RIC8A: variants seen among roughly 807,000 people sequenced by gnomAD.
RIC8A encodes the protein chaperone Ric-8A.
In RIC8A, 37 loss-of-function variants were observed where a neutral mutation model predicts 48.4. That is an observed-to-expected ratio of 0.77 (90% confidence interval 0.59 to 1.01). The LOEUF (loss-of-function observed/expected upper bound fraction) is 1.01. RIC8A is among the 50% of genes least tolerant of loss of function. The pLI is 0.00. For synonymous variants in RIC8A, 288 were observed against 283.4 expected (o/e 1.02, Z -0.16); for missense variants, 681 against 696.8 (o/e 0.98, Z 0.25).
At position 214,612 on chromosome 11, in the gene RIC8A, G is replaced by A. The variant is rs1590081773; in HGVS notation, c.*262G>A. 11 of 532,118 alleles carry A rather than the reference G, an allele frequency of 2.1e-5. No individual in the cohort carries two copies. Among genetic ancestry groups the A allele is most frequent in the Admixed American group, 1.1e-4 (4 of 36,518 alleles). 33.0% of individuals were successfully genotyped at this position (532,118 alleles called of 1,614,324 possible). ...AGACGAAGTACTTTCTTTTGTCTGC[G>A]CCAAGAGGAATGTGTTCAGAAGCTG... On this transcript the variant is annotated 3_prime_UTR_variant, in exon 10 of 10. Coordinates refer to ENST00000526104, the MANE Select transcript of RIC8A (RefSeq NM_001286134.2).
Position 209,538 on chromosome 11 carries a change from C to T in RIC8A, c.264C>T (p.Ser88=). The change falls in exon 3 of 10, where the codon AGC becomes AGT. Residue 88 remains serine (S), a synonymous_variant. Transcript: ENST00000526104. ...NCLDPFTSRQ[S]LQALACYADI... is the part of the protein sequence containing the mutation. ...TGGACCCGTTCACCAGCCGCCAGAG[C>T]CTGCAGGCACTAGCCTGCTATGCTG... 1.2e-6 allele frequency: 2 copies of T among 1,614,100 alleles called. No homozygotes were observed. The highest frequency in any genetic ancestry group is 1.7e-6 in the Non-Finnish European group (2 of 1,180,030).
In RIC8A at chr11:208,754, C is replaced by T; in HGVS notation, c.-101C>T. On this transcript the variant is annotated 5_prime_UTR_variant, in exon 1 of 10. Coordinates refer to ENST00000526104, the MANE Select transcript of RIC8A (RefSeq NM_001286134.2). This position sits in a 1 kb window ranked among gnomAD's most constrained non-coding sequence, Gnocchi z 4.8. ...CAGACGCCGCGCCCCGTCCCGGCCTCCCCCGCGCGCTGGCGCGGGGCTTTC... is the reference window on the plus strand; with the variant it reads ...CAGACGCCGCGCCCCGTCCCGGCCTTCCCCGCGCGCTGGCGCGGGGCTTTC... 1.2e-6 allele frequency: 1 copy of T among 866,994 alleles called. No homozygotes were observed. Among genetic ancestry groups the T allele is most frequent in the South Asian group, 2.0e-5 (1 of 51,148 alleles). The allele number at this position is 866,994 out of a possible 1,614,324, so 53.7% of individuals were successfully genotyped here.
chr11:208,430 C>A lies in RIC8A; in HGVS notation c.-425C>A. Reference sequence around the variant, plus strand: ...CCTGCATTCCCCAGCAAACGCCTAACGAACCCAATGGCCCAGGACTGAAAA... The same window carrying A: ...CCTGCATTCCCCAGCAAACGCCTAAAGAACCCAATGGCCCAGGACTGAAAA... On this transcript the variant is annotated 5_prime_UTR_variant, in exon 1 of 10. Coordinates refer to ENST00000526104, the MANE Select transcript of RIC8A (RefSeq NM_001286134.2). The surrounding 1 kb of genome is among the most constrained non-coding windows in gnomAD (Gnocchi z 4.8). The A allele has an allele frequency of 6.3e-6, 1 of 159,786 alleles. No homozygotes were observed. The allele number at this position is 159,786 out of a possible 1,614,324, so 9.9% of individuals were successfully genotyped here. A position where few individuals can be genotyped will look rare whatever the true frequency, so the allele number is the denominator to read the frequency against.
rs796903177 is a variant in RIC8A at position 211,725 on chromosome 11, CTTCT to C, written c.969+377_969+380del. Reference sequence around the variant, plus strand: ...CATAGGAACCTCAGATCAAAGCTTCCTTCTGATTGCTGTGACTGCACTACAGGGC... The same window carrying C: ...CATAGGAACCTCAGATCAAAGCTTCCGATTGCTGTGACTGCACTACAGGGC... On this transcript the variant is annotated intron_variant, in intron 5 of 9. Coordinates refer to ENST00000526104, the MANE Select transcript of RIC8A (RefSeq NM_001286134.2). The surrounding 1 kb of genome is among the most constrained non-coding windows in gnomAD (Gnocchi z 4.0). 3.1e-4 allele frequency: 53 copies of C among 171,840 alleles called. No homozygotes were observed. The highest frequency in any genetic ancestry group is 1.1e-3 in the African/African-American group (46 of 42,130). The allele number at this position is 171,840 out of a possible 1,614,324, so 10.6% of individuals were successfully genotyped here. A position where few individuals can be genotyped will look rare whatever the true frequency, so the allele number is the denominator to read the frequency against.
chr11:209,256 T>C lies in RIC8A; in HGVS notation c.85-15T>C, dbSNP rs766363937. 19 of 1,614,102 alleles carry C rather than the reference T, an allele frequency of 1.2e-5. No individual in the cohort carries two copies. The highest frequency in any genetic ancestry group is 6.6e-5 in the South Asian group (6 of 91,086). On this transcript the variant is annotated splice_polypyrimidine_tract_variant and intron_variant, in intron 1 of 9. Transcript: ENST00000526104. ...TACCCCTCTGTGGATTTGAATTCAC[T>C]AGTTCTCTCTGCAGCACTCCCAGAG...
At chr11:213,125 C>T in intron 8 of RIC8A, 144 bp downstream of exon 8, 1 of 1,369,664 alleles carries the variant, frequency 7.3e-7, no homozygotes, top group Admixed American at 2.6e-5. Flanking sequence ...TAAGTGCTAT[C>T]TGGGATACCA....
In RIC8A at chr11:209,626, C is replaced by T. The variant is rs762028046; in HGVS notation, c.352C>T (p.Leu118Phe). 1.2e-6 allele frequency: 2 copies of T among 1,614,050 alleles called. No individual in the cohort carries two copies. Among genetic ancestry groups the T allele is most frequent in the Non-Finnish European group, 1.7e-6 (2 of 1,180,028 alleles). The change falls in exon 3 of 10, where the codon CTC becomes TTC. Residue 118 changes from leucine (L) to phenylalanine (F), a missense_variant. Physicochemically the swap from Leu to Phe is conservative, Grantham distance 22 (BLOSUM62 0). Transcript: ENST00000526104. ...AGACATGGATGTTGTACTGGAGTCC[C>T]TCAAGTGCCTGTGCAACCTCGTGCT... ...SADMDVVLES[L>F]KCLCNLVLSS... is the part of the protein sequence containing the mutation.
intron 1 of RIC8A, 73 bp from the exon 2 acceptor site, chr11:209,198 C>T: frequency 6.3e-7 from 1 of 1,582,334 alleles, no homozygotes; most frequent in Admixed American, 1.7e-5. Flanking sequence ...AGTTAGAGGC[C>T]AATAGGCCGC....
At chr11:212,046 T>G in intron 5 of RIC8A, 1 of 274,446 alleles carries the variant, frequency 3.6e-6, no homozygotes, top group South Asian at 4.0e-5. Flanking sequence ...CGGTTCTCGT[T>G]TCTTTTTGCC....
rs1343307073 is a variant in RIC8A at position 214,428 on chromosome 11, C to T, written c.*78C>T. 2.6e-6 allele frequency: 4 copies of T among 1,523,200 alleles called. No individual in the cohort carries two copies. The highest frequency in any genetic ancestry group is 2.4e-5 in the South Asian group (2 of 83,558). The allele number at this position is 1,523,200 out of a possible 1,614,324, so 94.4% of individuals were successfully genotyped here. A position where few individuals can be genotyped will look rare whatever the true frequency, so the allele number is the denominator to read the frequency against. On this transcript the variant is annotated 3_prime_UTR_variant, in exon 10 of 10. Coordinates refer to ENST00000526104, the MANE Select transcript of RIC8A (RefSeq NM_001286134.2). ...TCCTTGGGGTTGCAACCTGGGGAAG[C>T]CACATCCCACTGGATCCACACCCGC...
Position 211,614 on chromosome 11 carries a change from A to C in RIC8A, c.969+265A>C. On this transcript the variant is annotated intron_variant, in intron 5 of 9. Transcript: ENST00000526104. The surrounding 1 kb of genome is among the most constrained non-coding windows in gnomAD (Gnocchi z 4.0). The stretch of plus-strand genomic sequence containing the variant: ...GGGATCTTTACTGAGTGGTCCAGAG[A>C]AGCCCCCCAGTCCCTACTTTTAAGT... The C allele has an allele frequency of 2.8e-6, 1 of 361,370 alleles. No individual in the cohort carries two copies. Among genetic ancestry groups the C allele is most frequent in the Non-Finnish European group, 5.0e-6 (1 of 198,448 alleles). 22.4% of individuals were successfully genotyped at this position (361,370 alleles called of 1,614,324 possible).
chr11:208,385 G>C lies in RIC8A; in HGVS notation c.-470G>C, dbSNP rs192279522. 123 of 155,490 alleles carry C rather than the reference G, an allele frequency of 7.9e-4. No individual in the cohort carries two copies. Among genetic ancestry groups the C allele is most frequent in the African/African-American group, 2.8e-3 (116 of 41,596 alleles). The allele number at this position is 155,490 out of a possible 1,614,324, so 9.6% of individuals were successfully genotyped here. A position where few individuals can be genotyped will look rare whatever the true frequency, so the allele number is the denominator to read the frequency against. ...TGGAACATAAGCTCCACAAAGGCAG[G>C]GACCTGGGAATCCCGTTCGCCTGCA... is the stretch of plus-strand genomic sequence containing the variant. On this transcript the variant is annotated 5_prime_UTR_variant, in exon 1 of 10. Transcript: ENST00000526104. The surrounding 1 kb of genome is among the most constrained non-coding windows in gnomAD (Gnocchi z 4.8).
At position 208,788 on chromosome 11, in the gene RIC8A, G is replaced by A; in HGVS notation, c.-67G>A. 2 of 1,385,354 alleles carry A rather than the reference G, an allele frequency of 1.4e-6. No homozygotes were observed. The highest frequency in any genetic ancestry group is 2.0e-6 in the Non-Finnish European group (2 of 1,004,944). The allele number at this position is 1,385,354 out of a possible 1,614,324, so 85.8% of individuals were successfully genotyped here. A position where few individuals can be genotyped will look rare whatever the true frequency, so the allele number is the denominator to read the frequency against. ...GCTGGCGCGGGGCTTTCTGGGCCAG[G>A]GCGGGGCCGGCGAACTGCGGCCCGG... On this transcript the variant is annotated 5_prime_UTR_variant, in exon 1 of 10. Coordinates refer to ENST00000526104, the MANE Select transcript of RIC8A (RefSeq NM_001286134.2). This position sits in a 1 kb window ranked among gnomAD's most constrained non-coding sequence, Gnocchi z 4.8.
chr11:211,093 G>T lies in RIC8A; in HGVS notation c.819-106G>T. The T allele has an allele frequency of 7.8e-7, 1 of 1,281,206 alleles. No homozygotes were observed. The highest frequency in any genetic ancestry group is 1.4e-5 in the South Asian group (1 of 70,004). The allele number at this position is 1,281,206 out of a possible 1,614,324, so 79.4% of individuals were successfully genotyped here. The stretch of plus-strand genomic sequence containing the variant: ...TTGGTCCCTAGCGCTGCCCCTTTGG[G>T]ACTCAGATGCCAGCTCATGTAATGT... On this transcript the variant is annotated intron_variant, in intron 4 of 9. Transcript: ENST00000526104. The surrounding 1 kb of genome is among the most constrained non-coding windows in gnomAD (Gnocchi z 4.0).
rs1241318045 is a variant in RIC8A at position 208,864 on chromosome 11, C to T, written c.10C>T (p.Arg4Trp). The change falls in exon 1 of 10, where the codon CGG becomes TGG. Residue 4 changes from arginine to tryptophan, a missense_variant. By Grantham distance (101) the Arg-to-Trp change is moderately radical. Transcript: ENST00000526104. This position sits in a 1 kb window ranked among gnomAD's most constrained non-coding sequence, Gnocchi z 4.8. MEPRAVAEAVETGE... is the reference protein window; with the variant it reads MEPWAVAEAVETGE... Reference sequence around the variant, plus strand: ...CCTTCCCCGGCGCGCCATGGAGCCCCGGGCGGTTGCAGAAGCCGTGGAGAC... The same window carrying T: ...CCTTCCCCGGCGCGCCATGGAGCCCTGGGCGGTTGCAGAAGCCGTGGAGAC... 2 of 1,609,398 alleles carry T rather than the reference C, an allele frequency of 1.2e-6. No homozygotes were observed. The highest frequency in any genetic ancestry group is 8.5e-7 in the Non-Finnish European group (1 of 1,178,530).
chr11:211,415 G>A lies in RIC8A; in HGVS notation c.969+66G>A, dbSNP rs750060483. On this transcript the variant is annotated intron_variant, in intron 5 of 9. Transcript: ENST00000526104. The surrounding 1 kb of genome is among the most constrained non-coding windows in gnomAD (Gnocchi z 4.0). ...GGCACTGGTTCTCCTGCACAGATGTGGTCAGTGCTTCCACACTGTCCACAC... is the reference window on the plus strand; with the variant it reads ...GGCACTGGTTCTCCTGCACAGATGTAGTCAGTGCTTCCACACTGTCCACAC... 3 of 1,525,710 alleles carry A rather than the reference G, an allele frequency of 2.0e-6. No individual in the cohort carries two copies. Among genetic ancestry groups the A allele is most frequent in the Non-Finnish European group, 2.7e-6 (3 of 1,119,310 alleles). 94.5% of individuals were successfully genotyped at this position (1,525,710 alleles called of 1,614,324 possible). A position where few individuals can be genotyped will look rare whatever the true frequency, so the allele number is the denominator to read the frequency against.
chr11:213,016 C>A, intron 8 of RIC8A, 35 bp downstream of exon 8: 1 of 1,527,086 alleles, frequency 6.5e-7, no homozygotes, highest in South Asian at 1.3e-5. Flanking sequence ...GGTCTCCACT[C>A]ACAGCCCCAT....
Position 213,394 on chromosome 11 carries a change from T to C in RIC8A, c.1451T>C (p.Val484Ala). 1 of 1,596,974 alleles carries C rather than the reference T, an allele frequency of 6.3e-7. No individual in the cohort carries two copies. Reference sequence around the variant, plus strand: ...AAGGAGCACGAGGCCATGAAGCTGGTGACCATGTTTGACAAGCTCTCCAGG... The same window carrying C: ...AAGGAGCACGAGGCCATGAAGCTGGCGACCATGTTTGACAAGCTCTCCAGG... Reference protein sequence around the residue: ...EQKEHEAMKLVTMFDKLSRNR... With the variant: ...EQKEHEAMKLATMFDKLSRNR... The change falls in exon 9 of 10, where the codon GTG (valine) becomes GCG (alanine). Residue 484 changes from valine to alanine, a missense_variant. Transcript: ENST00000526104.
Position 211,159 on chromosome 11 carries a change from G to T in RIC8A, c.819-40G>T. 6.3e-7 allele frequency: 1 copy of T among 1,590,662 alleles called. No homozygotes were observed. On this transcript the variant is annotated intron_variant, in intron 4 of 9. Coordinates refer to ENST00000526104, the MANE Select transcript of RIC8A (RefSeq NM_001286134.2). This position sits in a 1 kb window ranked among gnomAD's most constrained non-coding sequence, Gnocchi z 4.0. ...CACAAAGATTGCACCTGTGCTCAGG[G>T]ATTAGCCCTGTTGAAACCCCTACCT...
Sources: gnomAD v4.1 joint callset for allele counts on GRCh38, gnomAD v4.1.1 for gene constraint, Gnocchi (gnomAD v3.1) non-coding constraint, MANE v1.5 for transcripts, NCBI Gene and HGNC (gene_info 2026-07-23, HGNC 2026-07-21) for gene names.